The following CDH23 variants were observed in gnomAD, a reference collection of about 807,000 sequenced individuals.
CDH23 encodes the protein cadherin-23.
Under a neutral mutation model 317.1 loss-of-function variants are expected in CDH23, and 189 were observed. The ratio of observed to expected loss-of-function variants is 0.60; its 90% CI spans 0.53 to 0.67. The LOEUF (loss-of-function observed/expected upper bound fraction) is 0.67, where lower values mean the gene tolerates loss of function less well. Ranked by LOEUF, CDH23 falls within the 30% of genes least tolerant of loss-of-function variation. CDH23 has a pLI of 0.00. For missense variants in CDH23, 4,401 were observed against 4,592.4 expected (o/e 0.96, Z 1.20); for synonymous variants, 1,839 against 1,876.8 (o/e 0.98, Z 0.52).
At chr10:71,466,665 A>C (rs1271992544) in intron 3 of CDH23, among the ~76,000 whole-genome samples, 1 of 151,968 alleles carries the variant, frequency 6.6e-6, no homozygotes. Context: ...GTATGTGCAT[A>C]TGTGAGTGCG....
At chr10:71,532,834 A>G (rs1445493459) in intron 6 of CDH23, among the ~76,000 whole-genome samples, 2 of 149,004 alleles carry the variant, frequency 1.3e-5, no homozygotes, top group Admixed American at 6.9e-5. Flanking sequence ...GGTTCAAGCG[A>G]TTCTCCTGCA....
intron 9 of CDH23, 28 bp downstream of exon 9, chr10:71,578,020 TCTCACCC>T (rs1311726545): frequency 6.4e-7 from 1 of 1,562,024 alleles, no homozygotes; most frequent in Non-Finnish European, 8.7e-7. Flanking sequence ...CCCTCTCTCC[TCTCACCC>T]CTCTGTCCTC....
At chr10:71,761,037 C>T (rs1840369516) in intron 38 of CDH23, 10 of 1,076,968 alleles carry the variant, frequency 9.3e-6, no homozygotes, top group African/African-American at 3.1e-5. Context: ...AGTGCCTACT[C>T]GGCAGTGTTG....
chr10:71,774,519 C>T (rs1291467135), intron 38 of CDH23, among the ~76,000 whole-genome samples: 1 of 152,226 alleles, frequency 6.6e-6, no homozygotes, highest in African/African-American at 2.4e-5. Flanking sequence ...GGCTGTTCTG[C>T]CCTCCAGAGC....
At chr10:71,646,892 G>C in intron 14 of CDH23, 1 of 1,428,946 alleles carries the variant, frequency 7.0e-7, no homozygotes, top group African/African-American at 1.4e-5. Flanking sequence ...GAGAGACTCA[G>C]TGAGGGTGGG....
chr10:71,645,708 C>A, intron 12 of CDH23, 123 bp from the exon 13 acceptor site: 1 of 1,091,442 alleles, frequency 9.2e-7, no homozygotes. Flanking sequence ...CCCAGCGCCT[C>A]ATCCATTGCC....
Position 71,791,091 on chromosome 10 carries a change from C to T in CDH23, c.6050-41C>T, listed in dbSNP as rs1841238015. 4 of 1,542,524 alleles carry T rather than the reference C, an allele frequency of 2.6e-6. No homozygotes were observed. In the East Asian group the frequency reaches 7.1e-5, roughly 27 times the overall value. ...CTTGCCCTGTCTTCCCACCGCACCC[C>T]TTTTCTGTGTGTTTCCCTGGCTGGC... On this transcript the variant is annotated intron_variant, in intron 46 of 69. Transcript: ENST00000224721.
chr10:71,590,897 C>CAAA (rs1242410489), intron 9 of CDH23, among the ~76,000 whole-genome samples: 4 of 72,236 alleles, frequency 5.5e-5, no homozygotes, highest in African/African-American at 1.9e-4. Context: ...CAAAAAAAAA[C>CAAA]AAAAAAAAAC....
In CDH23 at chr10:71,791,294, C is replaced by T. The variant is rs1326076001; in HGVS notation, c.6212C>T (p.Pro2071Leu). The T allele has an allele frequency of 4.3e-6, 7 of 1,613,786 alleles. No homozygotes were observed. The highest frequency in any genetic ancestry group is 1.1e-5 in the South Asian group (1 of 91,022). Reference sequence around the variant, plus strand: ...AATGACAACCGGCCCACCTTTAGCCCTGCCACCCTCACTGTCCATCTGCTA... The same window carrying T: ...AATGACAACCGGCCCACCTTTAGCCTTGCCACCCTCACTGTCCATCTGCTA... Reference protein sequence around the residue: ...DDNDNRPTFSPATLTVHLLEN... With the variant: ...DDNDNRPTFSLATLTVHLLEN... The change falls in exon 47 of 70, where the codon CCT (proline) becomes CTT (leucine). Residue 2071 changes from proline to leucine, a missense_variant. Transcript: ENST00000224721.
rs1204434289 is a variant in CDH23 at position 71,811,184 on chromosome 10, C to T, written c.9078-131C>T. 11 of 1,356,564 alleles carry T rather than the reference C, an allele frequency of 8.1e-6. No individual in the cohort carries two copies. The East Asian group carries it at 2.3e-4, about 29-fold the overall frequency. 84.0% of individuals were successfully genotyped at this position (1,356,564 alleles called of 1,614,324 possible). On this transcript the variant is annotated intron_variant, in intron 62 of 69. Transcript: ENST00000224721. Reference sequence around the variant, plus strand: ...AACCTTGTAAAACACAAAGCTGTCCCAGCCGGTGGACCTCAATCTTGCAAG... The same window carrying T: ...AACCTTGTAAAACACAAAGCTGTCCTAGCCGGTGGACCTCAATCTTGCAAG...
intron 9 of CDH23, among the ~76,000 whole-genome samples, chr10:71,598,020 G>C (rs950656822): frequency 1.5e-4 from 23 of 152,228 alleles, no homozygotes; most frequent in African/African-American, 5.1e-4. Context: ...GCAGGCACCA[G>C]TACCAGCCTT....
intron 3 of CDH23, among the ~76,000 whole-genome samples, chr10:71,464,473 C>T (rs576439924): frequency 1.3e-5 from 2 of 152,228 alleles, no homozygotes; most frequent in Non-Finnish European, 2.9e-5. Flanking sequence ...GTCATTCCCC[C>T]ACTGGTCCTG....
intron 42 of CDH23, 103 bp downstream of exon 42, chr10:71,784,523 G>C: frequency 1.3e-6 from 2 of 1,484,558 alleles, no homozygotes; most frequent in East Asian, 2.3e-5. Flanking sequence ...GAGGCCACAG[G>C]CTGCCCTGGA....
chr10:71,675,094 T>A lies in CDH23; in HGVS notation c.1450-18T>A. 1 of 1,613,138 alleles carries A rather than the reference T, an allele frequency of 6.2e-7. No individual in the cohort carries two copies. The highest frequency in any genetic ancestry group is 8.5e-7 in the Non-Finnish European group (1 of 1,179,152). ...AGCTGGGCCTGGCAGTAATGACTTC[T>A]TGTTCTCGCTGTTGCAGGCAACTGA... is the stretch of plus-strand genomic sequence containing the variant. On this transcript the variant is annotated intron_variant, in intron 14 of 69. Coordinates refer to ENST00000224721, the MANE Select transcript of CDH23 (RefSeq NM_022124.6).
chr10:71,505,181 G>A (rs925032672), intron 3 of CDH23, among the ~76,000 whole-genome samples: 4 of 152,156 alleles, frequency 2.6e-5, no homozygotes, highest in Admixed American at 2.6e-4. Flanking sequence ...GGAAGGGAGG[G>A]AAGCCATAAA....
At chr10:71,768,434 G>A (rs908790360) in intron 38 of CDH23, among the ~76,000 whole-genome samples, 3 of 152,152 alleles carry the variant, frequency 2.0e-5, no homozygotes, top group Admixed American at 6.5e-5. Flanking sequence ...TCCTCCCCAA[G>A]TGCTGGGATT....
chr10:71,532,711 G>GTTTTTTTTTTTTTTTTTTTTTTTTTTTT (rs531593760), intron 6 of CDH23, among the ~76,000 whole-genome samples: 1 of 128,100 alleles, frequency 7.8e-6, no homozygotes, highest in Non-Finnish European at 1.8e-5. Context: ...TTTTGTTTTT[G>GTTTTTTTTTTTTTTTTTTTTTTTTTTTT]TTTTTTTTTT....
chr10:71,483,218 T>C (rs1538805), intron 3 of CDH23, among the ~76,000 whole-genome samples: 82,456 of 152,030 alleles, frequency 0.54, 24,096 homozygotes, highest in African/African-American at 0.77. Flanking sequence ...CCAGCATAAC[T>C]GTGCATTCAC....
At chr10:71,633,169 A>G (rs2394833) in intron 11 of CDH23, among the ~76,000 whole-genome samples, 77,994 of 151,656 alleles carry the variant, frequency 0.51, 21,021 homozygotes, top group Non-Finnish European at 0.62. Flanking sequence ...CAGAGCCCTC[A>G]CGATCCAATC....
Sources: allele counts gnomAD v4.1 joint callset (sites outside exome capture counted in the v4.1 genomes callset), GRCh38; gene constraint gnomAD v4.1.1; transcripts MANE v1.5; gene names NCBI Gene and HGNC (gene_info 2026-07-23, HGNC 2026-07-21).